The following CENPE variants were observed in gnomAD, a reference collection of about 807,000 sequenced individuals.
CENPE encodes the protein centromere-associated protein E.
Under a neutral mutation model 336.1 loss-of-function variants are expected in CENPE, and 145 were observed. The ratio of observed to expected loss-of-function variants is 0.43; its 90% CI spans 0.38 to 0.50. The LOEUF is 0.50. Among genes scored for constraint, CENPE ranks in the 20% least tolerant of loss-of-function variants. CENPE has a pLI of 0.00. For missense variants in CENPE, 2,719 were observed against 3,023.3 expected (o/e 0.90, Z 2.36); for synonymous variants, 1,013 against 984.8 (o/e 1.03, Z -0.54).
chr4:103,185,611 G>A (rs1158557049), intron 9 of CENPE, among the ~76,000 whole-genome samples, 199 bp downstream of exon 9: 1 of 151,754 alleles, frequency 6.6e-6, no homozygotes, highest in African/African-American at 2.4e-5. Context: ...TGATGCTATT[G>A]TAGACTAAAA....
chr4:103,143,064 T>C (rs758027741), intron 34 of CENPE, among the ~76,000 whole-genome samples, 184 bp downstream of exon 34: 1 of 151,424 alleles, frequency 6.6e-6, no homozygotes, highest in Non-Finnish European at 1.5e-5. Flanking sequence ...TCTTGGATCT[T>C]GAGATAATCA....
At chr4:103,190,250 T>C (rs909765606) in intron 8 of CENPE, among the ~76,000 whole-genome samples, 1 of 152,152 alleles carries the variant, frequency 6.6e-6, no homozygotes, top group Non-Finnish European at 1.5e-5. Context: ...GCCATCCCCA[T>C]CAGCTACCAA....
intron 13 of CENPE, among the ~76,000 whole-genome samples, chr4:103,177,371 C>A (rs1191803468): frequency 6.6e-6 from 1 of 151,954 alleles, no homozygotes; most frequent in Non-Finnish European, 1.5e-5. Context: ...TTGCTAGTTT[C>A]TCTTCCTGTG....
chr4:103,194,483 T>C, intron 6 of CENPE, 42 bp from the exon 7 acceptor site: 1 of 1,497,908 alleles, frequency 6.7e-7, no homozygotes, highest in Non-Finnish European at 9.1e-7. Flanking sequence ...TATAATAAAA[T>C]CCATAGAAAC....
At chr4:103,125,547 G>A (rs181513084) in intron 42 of CENPE, among the ~76,000 whole-genome samples, 3 of 152,182 alleles carry the variant, frequency 2.0e-5, no homozygotes, top group Admixed American at 2.0e-4. Context: ...GGAATTTCTA[G>A]TTTAGCATTT....
chr4:103,195,006 T>C (rs1037622427), intron 5 of CENPE, 108 bp downstream of exon 5: 2 of 1,004,450 alleles, frequency 2.0e-6, no homozygotes, highest in Non-Finnish European at 1.4e-6. Context: ...TCACATACTA[T>C]AGAAATAGGA....
chr4:103,107,179 T>A (rs1048041611), intron 48 of CENPE, among the ~76,000 whole-genome samples: 4 of 152,318 alleles, frequency 2.6e-5, no homozygotes, highest in Admixed American at 1.3e-4. Context: ...AAGGCCAGTT[T>A]GGGCAACATA....
rs757307598 is a variant in CENPE, at chr4:103,120,185, C to A, written c.7292G>T (p.Cys2431Phe). 2 of 1,606,020 alleles carry A rather than the reference C, an allele frequency of 1.2e-6. No homozygotes were observed. The highest frequency in any genetic ancestry group is 1.7e-6 in the Non-Finnish European group (2 of 1,177,630). Reference protein sequence around the residue: ...LQAKVHESNKCLEKTKETIQV... With the variant: ...LQAKVHESNKFLEKTKETIQV... ...AATTGTCTCTTTTGTTTTTTCAAGG[C>A]ATTTATTTGATTCATGAACTTTGGC... Residue 2431 changes from cysteine to phenylalanine, a missense_variant, in exon 44 of 49, where the codon TGC becomes TTC. Around this residue, in one of 5 missense-constraint regions of CENPE, gnomAD observed 2,437 missense variants for 2,513.3 expected, o/e 0.97. Coordinates refer to ENST00000265148, the MANE Select transcript of CENPE (RefSeq NM_001813.3).
intron 16 of CENPE, among the ~76,000 whole-genome samples, chr4:103,164,059 T>C (rs1023884841): frequency 2.0e-5 from 3 of 152,122 alleles, no homozygotes; most frequent in Non-Finnish European, 4.4e-5. Flanking sequence ...ATTAGGGTTG[T>C]TTCATGCAGT....
rs1011797931 is a variant in CENPE, at chr4:103,158,783, G to A, written c.2705C>T (p.Thr902Met). The change falls in exon 23 of 49, where the codon ACG becomes ATG. Residue 902 changes from threonine to methionine, a missense_variant. Around this residue, in one of 5 missense-constraint regions of CENPE, gnomAD observed 2,437 missense variants for 2,513.3 expected, o/e 0.97. Coordinates refer to ENST00000265148, the MANE Select transcript of CENPE (RefSeq NM_001813.3). The stretch of plus-strand genomic sequence containing the variant: ...TTTCTCCCTTTCTACAGTTTGCAGC[G>A]TAGAATCTCTATTTTCTAATTGTTC... ...LKEQLENRDS[T>M]LQTVEREKTL... The A allele has an allele frequency of 2.0e-5, 33 of 1,612,998 alleles. No homozygotes were observed. The highest frequency in any genetic ancestry group is 1.6e-4 in the Middle Eastern group (1 of 6,080).
rs116520973 is a variant in CENPE at position 103,196,870 on chromosome 4, G to C, written c.57-20C>G. On this transcript the variant is annotated intron_variant, in intron 1 of 48. Transcript: ENST00000265148. The stretch of plus-strand genomic sequence containing the variant: ...TCTTCTCTAAAAGAATAAAAACACC[G>C]CATTTTAACCAGTCATAAAAGTCAT... 1 of 1,201,104 alleles carries C rather than the reference G, an allele frequency of 8.3e-7. No individual in the cohort carries two copies. The highest frequency in any genetic ancestry group is 1.7e-5 in the Admixed American group (1 of 57,474). 74.4% of individuals were successfully genotyped at this position (1,201,104 alleles called of 1,614,324 possible).
intron 42 of CENPE, among the ~76,000 whole-genome samples, chr4:103,127,018 C>T (rs1286760833): frequency 1.3e-5 from 2 of 149,414 alleles, no homozygotes; most frequent in Admixed American, 1.3e-4. Context: ...GAAGTAATAA[C>T]GACTAAGAAT....
intron 43 of CENPE, among the ~76,000 whole-genome samples, chr4:103,120,612 A>G (rs534412903): frequency 6.6e-6 from 1 of 152,354 alleles, no homozygotes; most frequent in South Asian, 2.1e-4. Flanking sequence ...TATGCGATTT[A>G]TTAGTTAGCA....
At chr4:103,124,424 CAT>C (rs926376044) in intron 42 of CENPE, among the ~76,000 whole-genome samples, 1 of 152,148 alleles carries the variant, frequency 6.6e-6, no homozygotes, top group Admixed American at 6.5e-5. Context: ...TTTGTACTAA[CAT>C]ATGAAGAGAA....
chr4:103,115,188 C>T (rs1048590390), intron 45 of CENPE, among the ~76,000 whole-genome samples: 9 of 151,360 alleles, frequency 5.9e-5, no homozygotes, highest in Non-Finnish European at 2.9e-5. Context: ...GGCTGGAGTG[C>T]AATGGCGCTA....
In CENPE at chr4:103,194,163, T is replaced by C; in HGVS notation, c.693+66A>G. ...TTAACAGTTCTTATTAAACCAAACA[T>C]CCAGCAACTAAATTAAATTTTGTTT... is the stretch of plus-strand genomic sequence containing the variant. On this transcript the variant is annotated intron_variant, in intron 8 of 48. Coordinates refer to ENST00000265148, the MANE Select transcript of CENPE (RefSeq NM_001813.3). The C allele has an allele frequency of 2.5e-6, 3 of 1,206,744 alleles. No individual in the cohort carries two copies. In the South Asian group the frequency reaches 3.9e-5, roughly 16 times the overall value. The allele number at this position is 1,206,744 out of a possible 1,614,324, so 74.8% of individuals were successfully genotyped here. A position where few individuals can be genotyped will look rare whatever the true frequency, so the allele number is the denominator to read the frequency against.
chr4:103,125,866 C>CAAA (rs1314621341), intron 42 of CENPE, among the ~76,000 whole-genome samples: 14 of 48,008 alleles, frequency 2.9e-4, no homozygotes, highest in South Asian at 6.9e-4. Context: ...GACTCCATCT[C>CAAA]AAAAAAAAAA....
intron 23 of CENPE, 50 bp from the exon 24 acceptor site, chr4:103,158,508 T>G: frequency 6.6e-7 from 1 of 1,510,634 alleles, no homozygotes; most frequent in East Asian, 2.3e-5. Flanking sequence ...TGAAACAAAA[T>G]TATTTTGTAG....
At chr4:103,113,425 T>C (rs1749758163) in intron 46 of CENPE, among the ~76,000 whole-genome samples, 1 of 142,044 alleles carries the variant, frequency 7.0e-6, no homozygotes, top group African/African-American at 2.6e-5. Context: ...TATATACTTA[T>C]ATATTACTTA....
Sources: gnomAD v4.1 joint callset for allele counts (sites outside exome capture counted in the v4.1 genomes callset) on GRCh38, gnomAD v4.1.1 for gene constraint, gnomAD v4.1.1 regional missense constraint, MANE v1.5 for transcripts, NCBI Gene and HGNC (gene_info 2026-07-23, HGNC 2026-07-21) for gene names.